ART1: variants seen among roughly 807,000 people sequenced by gnomAD.
The protein encoded by ART1 is ADP-ribosyltransferase 1.
Under a neutral mutation model 27.0 loss-of-function variants are expected in ART1, and 29 were observed. The ratio of observed to expected loss-of-function variants is 1.08; its 90% CI spans 0.80 to 1.47. The LOEUF (loss-of-function observed/expected upper bound fraction) is 1.47. Among genes scored for constraint, ART1 ranks in the 40% most tolerant of loss-of-function variants. The pLI is 0.00. For synonymous variants in ART1, 201 were observed against 172.2 expected (o/e 1.17, Z -1.31); for missense variants, 480 against 423.0 (o/e 1.13, Z -1.18).
intron 4 of ART1, among the ~76,000 whole-genome samples, chr11:3,662,147 G>A (rs2077626322): frequency 6.6e-6 from 1 of 152,228 alleles, no homozygotes; most frequent in South Asian, 2.1e-4. Flanking sequence ...CATGAGGCCA[G>A]GCTTTTGGTG....
At chr11:3,661,734 G>A (rs1467377104) in intron 4 of ART1, among the ~76,000 whole-genome samples, 1 of 152,054 alleles carries the variant, frequency 6.6e-6, no homozygotes, top group East Asian at 1.9e-4. Flanking sequence ...CTGACCTCAG[G>A]TGATCCATCC....
At chr11:3,663,041 ATCTCATC>A (rs2077631648) in intron 4 of ART1, among the ~76,000 whole-genome samples, 4 of 104,020 alleles carry the variant, frequency 3.8e-5, no homozygotes, top group African/African-American at 1.7e-4. Context: ...TCATCATCTC[ATCTCATC>A]TCATCTCATC....
chr11:3,655,928 C>CTT (rs761533207), intron 1 of ART1, among the ~76,000 whole-genome samples: 55,251 of 108,788 alleles, frequency 0.51, 15,834 homozygotes, highest in Admixed American at 0.69. Context: ...GAGCTCAAGT[C>CTT]TTTTTTTTTT....
intron 1 of ART1, among the ~76,000 whole-genome samples, chr11:3,657,770 T>C (rs1435491518): frequency 6.6e-6 from 1 of 152,184 alleles, no homozygotes; most frequent in East Asian, 1.9e-4. Context: ...ATCTTTCCTA[T>C]AAAAACATGC....
At chr11:3,645,244 G>A (rs1157336655) in intron 1 of ART1, 65 bp downstream of exon 1, 1 of 152,096 alleles carries the variant, frequency 6.6e-6, no homozygotes, top group Non-Finnish European at 1.5e-5. Context: ...GTGAAATTTG[G>A]GAGATGAACG....
At chr11:3,657,256 TGACTA>T (rs1479947164) in intron 1 of ART1, among the ~76,000 whole-genome samples, 11 of 152,130 alleles carry the variant, frequency 7.2e-5, no homozygotes, top group Non-Finnish European at 1.5e-4. Flanking sequence ...AAAGACCCAT[TGACTA>T]TATTACCATT....
At position 3,660,293 on chromosome 11, in the gene ART1, C is replaced by T; in HGVS notation, c.774C>T (p.Ala258=). The T allele has an allele frequency of 6.2e-7, 1 of 1,609,784 alleles. No homozygotes were observed. The highest frequency in any genetic ancestry group is 8.5e-7 in the Non-Finnish European group (1 of 1,179,978). Residue 258 remains alanine, a synonymous_variant, in exon 3 of 5, where the codon GCC becomes GCT. Coordinates refer to ENST00000250693, the MANE Select transcript of ART1 (RefSeq NM_004314.3). ...AAGTGATCAATGCCAGCAGACTGGC[C>T]CAGGGCCCCGCCCGCATCTACCTCC... The part of the protein sequence containing the change: ...TFQVINASRL[A]QGPARIYLRA...
At chr11:3,652,945 T>G (rs1315504993) in intron 1 of ART1, among the ~76,000 whole-genome samples, 2 of 148,952 alleles carry the variant, frequency 1.3e-5, no homozygotes, top group East Asian at 3.9e-4. Context: ...CTCCTTCTCT[T>G]ATTCCATTTA....
chr11:3,658,426 T>G (rs2077590955), intron 1 of ART1, among the ~76,000 whole-genome samples: 2 of 151,806 alleles, frequency 1.3e-5, no homozygotes, highest in South Asian at 4.2e-4. Flanking sequence ...CTGGAACCAC[T>G]TCGGGCACTC....
intron 4 of ART1, among the ~76,000 whole-genome samples, chr11:3,663,207 A>G (rs1251404107): frequency 1.3e-5 from 2 of 151,766 alleles, no homozygotes; most frequent in Non-Finnish European, 2.9e-5. Context: ...AGGAGGCATT[A>G]CCCCCCTTAT....
chr11:3,651,609 A>G lies in ART1; in HGVS notation c.-53+6430A>G, dbSNP rs375045833. On this transcript the variant is annotated intron_variant, in intron 1 of 4. Transcript: ENST00000250693. The stretch of plus-strand genomic sequence containing the variant: ...CGGCTGCCGCTGCTTTAATAGTTTT[A>G]GAGGCCCTAAAAATCACAAACTATG... Among the ~76,000 whole-genome samples, 19 of 151,874 alleles carry G rather than the reference A, an allele frequency of 1.3e-4. No individual in the cohort carries two copies. The East Asian group carries it at 1.9e-3, about 16-fold the overall frequency.
intron 4 of ART1, among the ~76,000 whole-genome samples, chr11:3,662,916 C>T (rs980485646): frequency 1.3e-5 from 2 of 152,210 alleles, no homozygotes; most frequent in Admixed American, 6.5e-5. Flanking sequence ...TGCCACCCAG[C>T]TACTAAGAAG....
intron 1 of ART1, among the ~76,000 whole-genome samples, chr11:3,654,973 C>T: frequency 6.6e-6 from 1 of 152,226 alleles, no homozygotes; most frequent in East Asian, 1.9e-4. Context: ...GCCCAGTGGG[C>T]TTTTGCTGCA....
intron 1 of ART1, among the ~76,000 whole-genome samples, chr11:3,654,779 T>C (rs537918609): frequency 0.011 from 1,595 of 150,164 alleles, 26 homozygotes; most frequent in African/African-American, 0.037. Flanking sequence ...ACATCAAGTC[T>C]TGTAAATTCC....
At chr11:3,659,476 G>C in intron 2 of ART1, 107 bp from the exon 3 acceptor site, 1 of 1,411,882 alleles carries the variant, frequency 7.1e-7, no homozygotes, top group Non-Finnish European at 9.5e-7. Flanking sequence ...CACCAGGTGT[G>C]TTTGGGGCCC....
At chr11:3,661,538 A>C (rs1456009938) in intron 4 of ART1, 125 bp downstream of exon 4, 1 of 688,138 alleles carries the variant, frequency 1.5e-6, no homozygotes, top group East Asian at 3.1e-5. Context: ...CTTGTTGCCC[A>C]GGCTGGAGTG....
chr11:3,651,206 A>G (rs1298433588), intron 1 of ART1, among the ~76,000 whole-genome samples: 1 of 142,214 alleles, frequency 7.0e-6, no homozygotes, highest in Non-Finnish European at 1.5e-5. Flanking sequence ...TTTCTTTACT[A>G]TTCCTTTTCA....
At chr11:3,646,063 G>GT (rs1028541532) in intron 1 of ART1, among the ~76,000 whole-genome samples, 87 of 133,760 alleles carry the variant, frequency 6.5e-4, no homozygotes, top group South Asian at 4.4e-3. Flanking sequence ...TGTTTGTTTT[G>GT]TTTTTTTTTT....
chr11:3,662,620 A>G (rs1320641794), intron 4 of ART1, among the ~76,000 whole-genome samples: 3 of 152,132 alleles, frequency 2.0e-5, no homozygotes, highest in East Asian at 3.9e-4. Flanking sequence ...CAAGATGGGC[A>G]GATCACCTGA....
Sources: allele counts gnomAD v4.1 joint callset (sites outside exome capture counted in the v4.1 genomes callset), GRCh38; gene constraint gnomAD v4.1.1; transcripts MANE v1.5; gene names NCBI Gene and HGNC (gene_info 2026-07-23, HGNC 2026-07-21).